Variants in ZKSCAN5 observed in about 807,000 individuals in gnomAD.
The protein encoded by ZKSCAN5 is zinc finger protein with KRAB and SCAN domains 5.
A neutral mutation model predicts 60.0 loss-of-function variants in ZKSCAN5; 28 were observed. The ratio of observed to expected loss-of-function variants is 0.47; its 90% CI spans 0.35 to 0.64. The LOEUF (loss-of-function observed/expected upper bound fraction) is 0.64. ZKSCAN5 is among the 30% of genes least tolerant of loss of function. The pLI, the probability that ZKSCAN5 is intolerant of heterozygous loss-of-function variation, is 0.01. For missense variants in ZKSCAN5, 881 were observed against 1,034.6 expected, an observed-to-expected ratio of 0.85 and a Z score of 2.04; for synonymous variants, 361 against 371.2, an observed-to-expected ratio of 0.97 and a Z score of 0.31.
At chr7:99,510,610 A>G (rs967890957) in intron 2 of ZKSCAN5, among the ~76,000 whole-genome samples, 1 of 150,662 alleles carries the variant, frequency 6.6e-6, no homozygotes, top group Non-Finnish European at 1.5e-5. Flanking sequence ...ACACCAGGCT[A>G]ACTTTGTATT....
chr7:99,522,767 G>A (rs1194200323), intron 5 of ZKSCAN5, among the ~76,000 whole-genome samples: 1 of 151,818 alleles, frequency 6.6e-6, no homozygotes, highest in Non-Finnish European at 1.5e-5. Flanking sequence ...GATTACAGGC[G>A]TGAGCCACCA....
intron 2 of ZKSCAN5, among the ~76,000 whole-genome samples, chr7:99,511,669 C>T (rs955365839): frequency 4.0e-5 from 6 of 151,892 alleles, no homozygotes; most frequent in African/African-American, 1.5e-4. Flanking sequence ...TCTTGAACTC[C>T]TGGGCTCAAG....
chr7:99,510,227 C>A (rs1236301195), intron 2 of ZKSCAN5, among the ~76,000 whole-genome samples: 1 of 151,296 alleles, frequency 6.6e-6, no homozygotes, highest in Admixed American at 6.6e-5. Flanking sequence ...AGCCACTGTG[C>A]CCAGCCAGGT....
At chr7:99,522,209 G>C (rs1052288862) in intron 5 of ZKSCAN5, among the ~76,000 whole-genome samples, 1 of 152,122 alleles carries the variant, frequency 6.6e-6, no homozygotes, top group African/African-American at 2.4e-5. Flanking sequence ...ATTAATAACA[G>C]CATCACCAGA....
At chr7:99,505,608 G>A (rs1401453231) in intron 1 of ZKSCAN5, 1 of 168,386 alleles carries the variant, frequency 5.9e-6, no homozygotes, top group Non-Finnish European at 1.3e-5. Flanking sequence ...CCATTATAAT[G>A]ATTTTCACCC....
In ZKSCAN5 at chr7:99,526,290, T is replaced by C. The variant is rs967404918; in HGVS notation, c.1250T>C (p.Leu417Pro). The C allele has an allele frequency of 6.2e-7, 1 of 1,613,142 alleles. No individual in the cohort carries two copies. The highest frequency in any genetic ancestry group is 2.2e-5 in the East Asian group (1 of 44,880). ...CGKAFRVSSHLVQHHSVHSGE... is the reference protein window; with the variant it reads ...CGKAFRVSSHPVQHHSVHSGE... ...AAGGCTTTCCGGGTGAGTTCCCACCTGGTTCAGCACCACAGTGTCCACAGC... is the reference window on the plus strand; with the variant it reads ...AAGGCTTTCCGGGTGAGTTCCCACCCGGTTCAGCACCACAGTGTCCACAGC... Residue 417 changes from leucine to proline, a missense_variant, in exon 6 of 7, where the codon CTG (leucine) becomes CCG (proline). By Grantham distance (98) the Leu-to-Pro change is moderately conservative (BLOSUM62 -3). Coordinates refer to ENST00000326775, the MANE Select transcript of ZKSCAN5 (RefSeq NM_145102.4).
chr7:99,522,035 A>G (rs1307245935), intron 5 of ZKSCAN5, among the ~76,000 whole-genome samples: 2 of 152,110 alleles, frequency 1.3e-5, no homozygotes, highest in African/African-American at 4.8e-5. Context: ...GCAGTTTTAA[A>G]TGTGTAGTTT....
Position 99,531,127 on chromosome 7 carries a change from G to C in ZKSCAN5, c.1398G>C (p.Lys466Asn), listed in dbSNP as rs1802020344. 1 of 1,586,618 alleles carries C rather than the reference G, an allele frequency of 6.3e-7. No homozygotes were observed. ...KSQRCSDKRS[K>N]NTKLSVKKKI... ...TTTTAGGCAGTGACAAAAGAAGTAAGAACACAAAATTAAGTGTTAAGAAGA... is the reference window on the plus strand; with the variant it reads ...TTTTAGGCAGTGACAAAAGAAGTAACAACACAAAATTAAGTGTTAAGAAGA... Residue 466 changes from lysine to asparagine, a missense_variant, in exon 7 of 7, where the codon AAG becomes AAC. Physicochemically the swap from Lys to Asn is moderately conservative, Grantham distance 94. Around this residue, in one of 5 missense-constraint regions of ZKSCAN5, gnomAD observed 490 missense variants for 554.5 expected, o/e 0.88. Coordinates refer to ENST00000326775, the MANE Select transcript of ZKSCAN5 (RefSeq NM_145102.4).
At position 99,519,867 on chromosome 7, in the gene ZKSCAN5, C is replaced by T. The variant is rs753863951; in HGVS notation, c.594C>T (p.Asp198=). The T allele has an allele frequency of 1.2e-6, 2 of 1,614,144 alleles. No homozygotes were observed. Among genetic ancestry groups the T allele is most frequent in the South Asian group, 1.1e-5 (1 of 91,082 alleles). The change falls in exon 4 of 7, where the codon GAC becomes GAT. Residue 198 remains aspartate, a synonymous_variant. Coordinates refer to ENST00000326775, the MANE Select transcript of ZKSCAN5 (RefSeq NM_145102.4). ...AAGTTCCTTCCCTTCCCCTGAAGGA[C>T]AGCCAGGAGCTGACAGCTTCACTTC... ...VLQVPSLPLK[D]SQELTASLLS...
intron 6 of ZKSCAN5, 52 bp from the exon 7 acceptor site, chr7:99,531,056 C>CAAA: frequency 2.6e-6 from 3 of 1,158,830 alleles, no homozygotes; most frequent in Non-Finnish European, 3.5e-6. Flanking sequence ...GACCCCATCT[C>CAAA]AAAAAAAAAA....
chr7:99,524,855 A>G (rs147565865), intron 5 of ZKSCAN5, among the ~76,000 whole-genome samples: 3 of 152,098 alleles, frequency 2.0e-5, no homozygotes, highest in African/African-American at 7.2e-5. Flanking sequence ...ATAACCTGCT[A>G]TCCAGTTTTA....
chr7:99,531,185 C>A lies in ZKSCAN5; in HGVS notation c.1456C>A (p.Leu486Ile). 1 of 1,613,848 alleles carries A rather than the reference C, an allele frequency of 6.2e-7. No individual in the cohort carries two copies. The highest frequency in any genetic ancestry group is 8.5e-7 in the Non-Finnish European group (1 of 1,179,964). The change falls in exon 7 of 7, where the codon CTA (leucine) becomes ATA (isoleucine). Residue 486 changes from leucine (L) to isoleucine (I), a missense_variant. Physicochemically the swap from Leu to Ile is conservative, Grantham distance 5. Transcript: ENST00000326775. ...ISEYSEADME[L>I]SGKTQRNVSQ... The stretch of plus-strand genomic sequence containing the variant: ...AGAATATTCAGAAGCAGACATGGAA[C>A]TATCTGGAAAAACCCAAAGAAATGT...
chr7:99,510,243 A>AT (rs954205310), intron 2 of ZKSCAN5, among the ~76,000 whole-genome samples: 110 of 133,052 alleles, frequency 8.3e-4, no homozygotes, highest in South Asian at 9.4e-4. Flanking sequence ...CAGGTTTTAA[A>AT]TTTTTTTTTT....
At chr7:99,516,706 G>C (rs1801280666) in intron 3 of ZKSCAN5, among the ~76,000 whole-genome samples, 2 of 152,126 alleles carry the variant, frequency 1.3e-5, no homozygotes, top group Admixed American at 1.3e-4. Context: ...AGATGTCCGG[G>C]TGTTGCGCAT....
intron 6 of ZKSCAN5, among the ~76,000 whole-genome samples, chr7:99,528,756 A>G (rs1426640468): frequency 1.3e-5 from 2 of 152,052 alleles, no homozygotes; most frequent in African/African-American, 2.4e-5. Context: ...TCAAAGGGGG[A>G]ATACATGTTT....
chr7:99,528,950 G>A (rs1362853036), intron 6 of ZKSCAN5, among the ~76,000 whole-genome samples: 1 of 152,144 alleles, frequency 6.6e-6, no homozygotes, highest in Non-Finnish European at 1.5e-5. Flanking sequence ...ACTGAGGCTA[G>A]AATGTTGGCT....
At chr7:99,512,303 A>T in intron 2 of ZKSCAN5, 150 bp from the exon 3 acceptor site, 1 of 907,358 alleles carries the variant, frequency 1.1e-6, no homozygotes, top group Non-Finnish European at 1.6e-6. Context: ...AACCATGTTT[A>T]TTAAGTAACT....
chr7:99,520,728 G>A (rs1442082937), intron 5 of ZKSCAN5, among the ~76,000 whole-genome samples: 1 of 152,068 alleles, frequency 6.6e-6, no homozygotes, highest in East Asian at 1.9e-4. Context: ...TGCCAGGTGT[G>A]GTAGCTCATG....
rs777100729 is a variant in ZKSCAN5, at chr7:99,526,190, A to G, written c.1150A>G (p.Asn384Asp). Residue 384 changes from asparagine (N) to aspartate (D), a missense_variant, in exon 6 of 7, where the codon AAT becomes GAT. By Grantham distance (23) the Asn-to-Asp change is conservative (BLOSUM62 1). This residue lies in a region of ZKSCAN5 where 490 missense variants were observed against 554.5 expected (regional missense o/e 0.88). Coordinates refer to ENST00000326775, the MANE Select transcript of ZKSCAN5 (RefSeq NM_145102.4). Reference sequence around the variant, plus strand: ...GTGCGGAGAATGTGGGAAGAGCTACAATCAGCGGGTGCACCTCACCCAGCA... The same window carrying G: ...GTGCGGAGAATGTGGGAAGAGCTACGATCAGCGGGTGCACCTCACCCAGCA... Reference protein sequence around the residue: ...FKCGECGKSYNQRVHLTQHQR... With the variant: ...FKCGECGKSYDQRVHLTQHQR... 1 of 1,614,212 alleles carries G rather than the reference A, an allele frequency of 6.2e-7. No homozygotes were observed. The highest frequency in any genetic ancestry group is 8.5e-7 in the Non-Finnish European group (1 of 1,180,036).
Sources: gnomAD v4.1 joint callset for allele counts (sites outside exome capture counted in the v4.1 genomes callset) on GRCh38, gnomAD v4.1.1 for gene constraint, gnomAD v4.1.1 regional missense constraint, MANE v1.5 for transcripts, NCBI Gene and HGNC (gene_info 2026-07-23, HGNC 2026-07-21) for gene names.